The following ZMYND8 variants were observed in gnomAD, a reference collection of about 807,000 sequenced individuals.
The protein encoded by ZMYND8 is zinc finger MYND-type containing 8, also known as MYND-type zinc finger-containing chromatin reader ZMYND8.
Under a neutral mutation model 140.8 loss-of-function variants are expected in ZMYND8, and 37 were observed. The ratio of observed to expected loss-of-function variants is 0.26; its 90% CI spans 0.20 to 0.35. The LOEUF is 0.35. Among genes scored for constraint, ZMYND8 ranks in the 10% least tolerant of loss-of-function variants. The pLI, the probability that ZMYND8 is intolerant of heterozygous loss-of-function variation, is 1.00. For missense variants in ZMYND8, 1,068 were observed against 1,570.0 expected (o/e 0.68, Z 5.40); for synonymous variants, 592 against 597.1 (o/e 0.99, Z 0.12).
At chr20:47,311,942 A>G (rs531855478) in intron 2 of ZMYND8, among the ~76,000 whole-genome samples, 1 of 152,274 alleles carries the variant, frequency 6.6e-6, no homozygotes, top group South Asian at 2.1e-4. Context: ...ACCTCCAAGG[A>G]CTTGAATCCA....
At chr20:47,335,307 A>T (rs1033668090) in intron 2 of ZMYND8, among the ~76,000 whole-genome samples, 1 of 149,968 alleles carries the variant, frequency 6.7e-6, no homozygotes, top group Non-Finnish European at 1.5e-5. Flanking sequence ...CAATAAAGGT[A>T]TTTTTTTTTT....
At chr20:47,273,314 G>C (rs8116171) in intron 11 of ZMYND8, among the ~76,000 whole-genome samples, 4,716 of 152,272 alleles carry the variant, frequency 0.031, 246 homozygotes, top group African/African-American at 0.11. Context: ...GGGAGACTGA[G>C]GCGGGTGGAT....
At chr20:47,236,267 A>T (rs2039223642) in intron 16 of ZMYND8, 59 bp downstream of exon 16, 1 of 1,607,806 alleles carries the variant, frequency 6.2e-7, no homozygotes, top group Non-Finnish European at 8.5e-7. Flanking sequence ...CGGGAGACCA[A>T]GATTCTGGCA....
chr20:47,279,489 TTAAATAAA>T (rs541312400), intron 10 of ZMYND8, among the ~76,000 whole-genome samples: 1 of 146,616 alleles, frequency 6.8e-6, no homozygotes, highest in African/African-American at 2.5e-5. Flanking sequence ...GACCCCCCTC[TTAAATAAA>T]TAAATAAATA....
At chr20:47,280,688 C>G (rs1435969872) in intron 10 of ZMYND8, among the ~76,000 whole-genome samples, 1 of 152,118 alleles carries the variant, frequency 6.6e-6, no homozygotes. Flanking sequence ...GTAAGAATCT[C>G]AAATCATCAA....
At chr20:47,284,386 C>T (rs1361605126) in intron 8 of ZMYND8, among the ~76,000 whole-genome samples, 1 of 152,184 alleles carries the variant, frequency 6.6e-6, no homozygotes, top group Non-Finnish European at 1.5e-5. Flanking sequence ...TTGATTGTCA[C>T]AAGTAGCCCA....
At chr20:47,325,989 T>C (rs2080380870) in intron 2 of ZMYND8, among the ~76,000 whole-genome samples, 3 of 152,060 alleles carry the variant, frequency 2.0e-5, no homozygotes, top group African/African-American at 7.2e-5. Context: ...GATGGAGTAT[T>C]GCATGTGGCT....
In ZMYND8 at chr20:47,263,408, T is replaced by C. The variant is rs2075291505; in HGVS notation, c.1481-980A>G. Among the ~76,000 whole-genome samples the C allele has an allele frequency of 2.6e-5, 4 of 151,982 alleles. 1 individual carries two copies. In the South Asian group the frequency reaches 8.4e-4, roughly 32 times the overall value. On this transcript the variant is annotated intron_variant, in intron 11 of 22. Transcript: ENST00000471951. ...TGAGACTCCCCAGGGGCTTCGAAAG[T>C]GCTGGGACACTTGTGTGGGCAGCAC...
At chr20:47,273,853 A>G (rs752353307) in intron 11 of ZMYND8, among the ~76,000 whole-genome samples, 9 of 152,208 alleles carry the variant, frequency 5.9e-5, no homozygotes, top group Non-Finnish European at 1.3e-4. Flanking sequence ...CCTAAAATAC[A>G]TACTATCTAG....
At chr20:47,231,673 G>A (rs976680153) in intron 16 of ZMYND8, among the ~76,000 whole-genome samples, 4 of 152,160 alleles carry the variant, frequency 2.6e-5, no homozygotes, top group African/African-American at 4.8e-5. Context: ...GGCTTGCTGC[G>A]GAGCCCACAC....
chr20:47,290,072 A>G, intron 7 of ZMYND8, 115 bp downstream of exon 7: 5 of 984,724 alleles, frequency 5.1e-6, no homozygotes, highest in Non-Finnish European at 7.4e-6. Flanking sequence ...TATTAGCACA[A>G]TCTATACGCA....
chr20:47,247,115 G>A (rs768158603), intron 13 of ZMYND8, among the ~76,000 whole-genome samples: 5 of 152,254 alleles, frequency 3.3e-5, no homozygotes, highest in South Asian at 2.1e-4. Flanking sequence ...TGTTTCATGC[G>A]AGAGGCACTG....
chr20:47,236,833 AC>A (rs1315543984), intron 15 of ZMYND8, among the ~76,000 whole-genome samples: 1 of 152,092 alleles, frequency 6.6e-6, no homozygotes, highest in East Asian at 1.9e-4. Context: ...TCCAGCCAAC[AC>A]CTGAAGACAG....
intron 2 of ZMYND8, among the ~76,000 whole-genome samples, chr20:47,339,070 T>C (rs2081617097): frequency 6.6e-6 from 1 of 151,312 alleles, no homozygotes; most frequent in Non-Finnish European, 1.5e-5. Context: ...CCTCCCAGGT[T>C]CATGCCATTT....
chr20:47,288,258 C>T (rs993080698), intron 7 of ZMYND8, among the ~76,000 whole-genome samples: 2 of 152,172 alleles, frequency 1.3e-5, no homozygotes, highest in Non-Finnish European at 2.9e-5. Context: ...TGATCCACAG[C>T]ACATCACTTG....
intron 11 of ZMYND8, among the ~76,000 whole-genome samples, chr20:47,269,690 A>G (rs1034996487): frequency 1.3e-5 from 2 of 152,178 alleles, no homozygotes; most frequent in Non-Finnish European, 1.5e-5. Context: ...TTAAATTAGG[A>G]AAAAAATGCC....
At chr20:47,251,459 C>A (rs1335039772) in intron 12 of ZMYND8, among the ~76,000 whole-genome samples, 1 of 151,780 alleles carries the variant, frequency 6.6e-6, no homozygotes, top group Non-Finnish European at 1.5e-5. Context: ...TGGTGGTGCA[C>A]GCCTGTAAAC....
At chr20:47,246,900 A>T (rs1195044514) in intron 13 of ZMYND8, among the ~76,000 whole-genome samples, 5 of 152,222 alleles carry the variant, frequency 3.3e-5, no homozygotes, top group African/African-American at 1.2e-4. Flanking sequence ...ATTAGAAAAC[A>T]GAGGCCCAGG....
At chr20:47,279,960 T>C (rs112443629) in intron 10 of ZMYND8, among the ~76,000 whole-genome samples, 18,059 of 151,810 alleles carry the variant, frequency 0.12, 1,201 homozygotes, top group South Asian at 0.28. Flanking sequence ...CCATCTCTAC[T>C]GAAAATACAA....
Sources: allele counts gnomAD v4.1 joint callset (sites outside exome capture counted in the v4.1 genomes callset), GRCh38; gene constraint gnomAD v4.1.1; transcripts MANE v1.5; gene names NCBI Gene and HGNC (gene_info 2026-07-23, HGNC 2026-07-21).